The following BEND3 variants were observed in gnomAD, a reference collection of about 807,000 sequenced individuals.
BEND3 encodes BEN domain-containing protein 3.
In BEND3, 13 loss-of-function variants were observed where a neutral mutation model predicts 60.1. The observed-to-expected ratio is 0.22, with a 90% confidence interval of 0.14 to 0.34. BEND3 has a LOEUF of 0.34. Among genes scored for constraint, BEND3 ranks in the 10% least tolerant of loss-of-function variants. The pLI is 1.00. For synonymous variants in BEND3, 497 were observed against 491.5 expected, an observed-to-expected ratio of 1.01 and a Z score of -0.15; for missense variants, 896 against 1,138.1, an observed-to-expected ratio of 0.79 and a Z score of 3.06.
chr6:107,110,239 T>TA lies in BEND3; in HGVS notation c.-12+4850dup, dbSNP rs1464346565. Among the ~76,000 whole-genome samples the TA allele has an allele frequency of 2.6e-5, 4 of 152,292 alleles. 1 individual carries two copies. Among genetic ancestry groups the TA allele is most frequent in the Admixed American group, 2.6e-4 (4 of 15,280 alleles). ...ACTTCAGCTCTAAAACAATAGTTTG[T>TA]AAAAGTGGTTTTCATACAAAATTCA... On this transcript the variant is annotated intron_variant, in intron 1 of 3. Transcript: ENST00000369042.
chr6:107,065,528 T>A lies in BEND3; in HGVS notation c.*3176A>T, dbSNP rs1774807849. On this transcript the variant is annotated 3_prime_UTR_variant, in exon 4 of 4. Transcript: ENST00000369042. The stretch of plus-strand genomic sequence containing the variant: ...ATAGCCCCTTGGCCCTCACCCCCAC[T>A]TCATGTATCTATACAGTCGATCTAC... 1 of 112,758 alleles carries A rather than the reference T, an allele frequency of 8.9e-6. No individual in the cohort carries two copies. The highest frequency in any genetic ancestry group is 3.4e-5 in the African/African-American group (1 of 29,282). The allele number at this position is 112,758 out of a possible 1,614,324, so 7.0% of individuals were successfully genotyped here. A position where few individuals can be genotyped will look rare whatever the true frequency, so the allele number is the denominator to read the frequency against.
intron 1 of BEND3, among the ~76,000 whole-genome samples, chr6:107,114,878 G>T (rs1484086344): frequency 6.7e-6 from 1 of 149,094 alleles, no homozygotes. Flanking sequence ...CGGCGAGCCC[G>T]TGGGCGCCCG....
At chr6:107,088,747 G>A (rs1275125892) in intron 3 of BEND3, among the ~76,000 whole-genome samples, 2 of 152,118 alleles carry the variant, frequency 1.3e-5, no homozygotes, top group Non-Finnish European at 1.5e-5. Flanking sequence ...CAAAAACCAG[G>A]AGTATTTCTA....
intron 3 of BEND3, among the ~76,000 whole-genome samples, chr6:107,089,682 C>A (rs1554234889): frequency 6.6e-6 from 1 of 150,408 alleles, no homozygotes; most frequent in East Asian, 2.0e-4. Flanking sequence ...GCAACCTCTG[C>A]CTCCCATGTT....
At chr6:107,114,600 C>T (rs1248843151) in intron 1 of BEND3, among the ~76,000 whole-genome samples, 1 of 150,810 alleles carries the variant, frequency 6.6e-6, no homozygotes, top group Admixed American at 6.6e-5. Flanking sequence ...TTCCACACGC[C>T]GAGCAGTGCC....
Position 107,069,561 on chromosome 6 carries a change from G to A in BEND3, c.1630C>T (p.Pro544Ser). 1 of 1,613,170 alleles carries A rather than the reference G, an allele frequency of 6.2e-7. No homozygotes were observed. Among genetic ancestry groups the A allele is most frequent in the Non-Finnish European group, 8.5e-7 (1 of 1,180,030 alleles). Residue 544 changes from proline to serine, a missense_variant, in exon 4 of 4, where the codon CCT becomes TCT. Around this residue, in one of 4 missense-constraint regions of BEND3, gnomAD observed 846 missense variants for 1,036.7 expected, o/e 0.82. Coordinates refer to ENST00000369042, the MANE Select transcript of BEND3 (RefSeq NM_001367314.1). ...TCGGCACCGGGCACCTCGAAGTCAG[G>A]CTGGGGGATCTCTAACTTGTCGAAG... ...IDFDKLEIPQ[P>S]DFEVPGADCL...
chr6:107,069,454 C>A lies in BEND3; in HGVS notation c.1737G>T (p.Val579=), dbSNP rs1554231473. The A allele has an allele frequency of 6.2e-7, 1 of 1,612,010 alleles. No homozygotes were observed. Among genetic ancestry groups the A allele is most frequent in the Non-Finnish European group, 8.5e-7 (1 of 1,179,866 alleles). The change falls in exon 4 of 4, where the codon GTG becomes GTT. Residue 579 remains valine (V), a synonymous_variant. Coordinates refer to ENST00000369042, the MANE Select transcript of BEND3 (RefSeq NM_001367314.1). The part of the protein sequence containing the change: ...SIGNFASRLL[V]HLFPELFTHE... ...GCGTGAAGAGCTCGGGGAACAGGTG[C>A]ACCAGCAGGCGCGAGGCGAAGTTGC...
intron 3 of BEND3, among the ~76,000 whole-genome samples, chr6:107,071,427 G>A (rs1190357725): frequency 6.6e-6 from 1 of 152,212 alleles, no homozygotes. Context: ...GCAGCAGTGT[G>A]TCCTTTTAGC....
chr6:107,084,617 A>G (rs1775302803), intron 3 of BEND3, among the ~76,000 whole-genome samples: 1 of 152,010 alleles, frequency 6.6e-6, no homozygotes, highest in Non-Finnish European at 1.5e-5. Context: ...AAACACACCA[A>G]TCAGCACTCT....
In BEND3 at chr6:107,109,648, C is replaced by T. The variant is rs529695287; in HGVS notation, c.-12+5442G>A. ...CAGCACTTTGGGAGGCTGAGGCGGA[C>T]GGATCACTTGCAGTCAGGAGTTCGA... On this transcript the variant is annotated intron_variant, in intron 1 of 3. Coordinates refer to ENST00000369042, the MANE Select transcript of BEND3 (RefSeq NM_001367314.1). Among the ~76,000 whole-genome samples, 19 of 151,578 alleles carry T rather than the reference C, an allele frequency of 1.3e-4. 1 individual carries two copies. The highest frequency in any genetic ancestry group is 9.7e-4 in the East Asian group (5 of 5,130).
At chr6:107,094,318 G>C (rs1174219661) in intron 3 of BEND3, among the ~76,000 whole-genome samples, 1 of 151,806 alleles carries the variant, frequency 6.6e-6, no homozygotes, top group Non-Finnish European at 1.5e-5. Flanking sequence ...TGTTGTCAGG[G>C]AAGCACAAAT....
At chr6:107,077,781 T>A (rs1554232935) in intron 3 of BEND3, among the ~76,000 whole-genome samples, 1 of 152,156 alleles carries the variant, frequency 6.6e-6, no homozygotes, top group African/African-American at 2.4e-5. Context: ...AATGTACCTA[T>A]CTGCGATAGT....
Position 107,069,132 on chromosome 6 carries a change from G to C in BEND3, c.2059C>G (p.Pro687Ala). 6.2e-7 allele frequency: 1 copy of C among 1,612,736 alleles called. No individual in the cohort carries two copies. The highest frequency in any genetic ancestry group is 8.5e-7 in the Non-Finnish European group (1 of 1,179,988). Reference sequence around the variant, plus strand: ...CTGCTCCTCTCGGGGGGCAGTGGGGGCCCCTCAAACTCCTCCCGGAACCTC... The same window carrying C: ...CTGCTCCTCTCGGGGGGCAGTGGGGCCCCCTCAAACTCCTCCCGGAACCTC... The part of the protein sequence containing the change: ...PERFREEFEG[P>A]PLPPERSSKD... Residue 687 changes from proline (P) to alanine (A), a missense_variant, in exon 4 of 4, where the codon CCC (proline) becomes GCC (alanine). Coordinates refer to ENST00000369042, the MANE Select transcript of BEND3 (RefSeq NM_001367314.1).
chr6:107,105,769 G>A (rs1213670646), intron 1 of BEND3, among the ~76,000 whole-genome samples: 1 of 152,188 alleles, frequency 6.6e-6, no homozygotes, highest in African/African-American at 2.4e-5. Flanking sequence ...AGATGTCCTC[G>A]CCACTGTGCT....
chr6:107,088,938 G>A (rs1775412420), intron 3 of BEND3, among the ~76,000 whole-genome samples: 2 of 152,114 alleles, frequency 1.3e-5, no homozygotes, highest in South Asian at 2.1e-4. Flanking sequence ...CTGAGGTCAG[G>A]ATCTGGAGAC....
At chr6:107,103,601 G>A (rs1434764123) in intron 1 of BEND3, among the ~76,000 whole-genome samples, 1 of 152,152 alleles carries the variant, frequency 6.6e-6, no homozygotes, top group Non-Finnish European at 1.5e-5. Flanking sequence ...TTCTCCCCAA[G>A]GGATGTCTGT....
chr6:107,068,586 C>T lies in BEND3; in HGVS notation c.*118G>A, dbSNP rs1421742630. 2.5e-5 allele frequency: 29 copies of T among 1,149,454 alleles called. No homozygotes were observed. The highest frequency in any genetic ancestry group is 2.9e-4 in the Middle Eastern group (1 of 3,400). 71.2% of individuals were successfully genotyped at this position (1,149,454 alleles called of 1,614,324 possible). A position where few individuals can be genotyped will look rare whatever the true frequency, so the allele number is the denominator to read the frequency against. On this transcript the variant is annotated 3_prime_UTR_variant, in exon 4 of 4. Coordinates refer to ENST00000369042, the MANE Select transcript of BEND3 (RefSeq NM_001367314.1). This position sits in a 1 kb window ranked among gnomAD's most constrained non-coding sequence, Gnocchi z 5.8. ...TGCAAATGTAGTAAGCCACTCCCCA[C>T]GGACATAAGGTGCCTGTCTGTGGAT...
At chr6:107,085,440 A>G (rs1775323769) in intron 3 of BEND3, among the ~76,000 whole-genome samples, 1 of 152,108 alleles carries the variant, frequency 6.6e-6, no homozygotes. Flanking sequence ...CCAATCTGAA[A>G]TACCAGAGCA....
In BEND3 at chr6:107,068,603, T is replaced by C. The variant is rs1554231197; in HGVS notation, c.*101A>G. 4.5e-6 allele frequency: 6 copies of C among 1,328,080 alleles called. No individual in the cohort carries two copies. Among genetic ancestry groups the C allele is most frequent in the African/African-American group, 1.5e-5 (1 of 68,088 alleles). 82.3% of individuals were successfully genotyped at this position (1,328,080 alleles called of 1,614,324 possible). Reference sequence around the variant, plus strand: ...ACTCCCCACGGACATAAGGTGCCTGTCTGTGGATGCCATAGGCGTGCTCCC... The same window carrying C: ...ACTCCCCACGGACATAAGGTGCCTGCCTGTGGATGCCATAGGCGTGCTCCC... On this transcript the variant is annotated 3_prime_UTR_variant, in exon 4 of 4. Transcript: ENST00000369042. This position sits in a 1 kb window ranked among gnomAD's most constrained non-coding sequence, Gnocchi z 5.8.
Sources: gnomAD v4.1 joint callset for allele counts (sites outside exome capture counted in the v4.1 genomes callset) on GRCh38, gnomAD v4.1.1 for gene constraint, gnomAD v4.1.1 regional missense constraint, Gnocchi (gnomAD v3.1) non-coding constraint, MANE v1.5 for transcripts, NCBI Gene and HGNC (gene_info 2026-07-23, HGNC 2026-07-21) for gene names.